The following SLC25A43 variants were observed in gnomAD, a reference collection of about 807,000 sequenced individuals.
SLC25A43 encodes solute carrier family 25, member 43.
Under a neutral mutation model 22.8 loss-of-function variants are expected in SLC25A43, and 10 were observed. That is an observed-to-expected ratio of 0.44 (90% CI 0.27 to 0.74). SLC25A43 has a LOEUF of 0.74. Among genes scored for constraint, SLC25A43 ranks in the 30% least tolerant of loss-of-function variants. The pLI, the probability that SLC25A43 is intolerant of heterozygous loss-of-function variation, is 0.17. For missense variants in SLC25A43, 233 were observed against 279.1 expected (o/e 0.83, Z 1.18); for synonymous variants, 106 against 121.6 (o/e 0.87, Z 0.84).
rs1046773092 is a variant in SLC25A43 at position 119,445,458 on chromosome X, G to T, written c.691-6551G>T. On this transcript the variant is annotated intron_variant, in intron 3 of 4. Coordinates refer to ENST00000217909, the MANE Select transcript of SLC25A43 (RefSeq NM_145305.3). ...CAAGATGACGACTGGCATTGCCAGG[G>T]TTGTGCAGCAACAGTAGTGGGGTGG... is the stretch of plus-strand genomic sequence containing the variant. Among the ~76,000 whole-genome samples the T allele has an allele frequency of 1.2e-4, 13 of 112,158 alleles. No individual in the cohort carries two copies. The Admixed American group carries it at 1.2e-3, about 11-fold the overall frequency.
At chrX:119,426,693 C>T (rs891005411) in intron 3 of SLC25A43, among the ~76,000 whole-genome samples, 4 of 109,957 alleles carry the variant, frequency 3.6e-5, no homozygotes, top group Admixed American at 2.0e-4. Context: ...CATGGTGGCG[C>T]GCGCCCGTAG....
At chrX:119,399,911 G>A (rs994664368) in intron 1 of SLC25A43, among the ~76,000 whole-genome samples, 1 of 112,733 alleles carries the variant, frequency 8.9e-6, no homozygotes, top group Non-Finnish European at 1.9e-5. Context: ...GCAGTTTTGT[G>A]GTCCGCAGCC....
rs190997309 is a variant in SLC25A43, at chrX:119,430,221, T to G, written c.690+19859T>G. 4.2e-3 allele frequency among the ~76,000 whole-genome samples: 475 copies of G among 112,647 alleles called. 4 individuals carry two copies. Among genetic ancestry groups the G allele is most frequent in the African/African-American group, 0.014 (439 of 31,042 alleles). Reference sequence around the variant, plus strand: ...GCCATTCCAATCTAGCGGGTTGGTTTGTTCTTCAGCATACTTGTCTTTCTT... The same window carrying G: ...GCCATTCCAATCTAGCGGGTTGGTTGGTTCTTCAGCATACTTGTCTTTCTT... On this transcript the variant is annotated intron_variant, in intron 3 of 4. Transcript: ENST00000217909.
chrX:119,420,289 CT>C (rs58312594), intron 3 of SLC25A43, among the ~76,000 whole-genome samples: 1,951 of 92,160 alleles, frequency 0.021, 19 homozygotes, highest in Non-Finnish European at 0.027. Context: ...GCGTTAGATC[CT>C]TTTTTTTTTT....
At chrX:119,411,747 TCAA>T (rs1344474316) in intron 3 of SLC25A43, among the ~76,000 whole-genome samples, 2 of 111,160 alleles carry the variant, frequency 1.8e-5, no homozygotes, top group African/African-American at 6.5e-5. Flanking sequence ...CCCTTAAAAT[TCAA>T]AAATAGCTAA....
intron 3 of SLC25A43, among the ~76,000 whole-genome samples, chrX:119,428,949 G>A (rs990595628): frequency 5.4e-5 from 6 of 111,895 alleles, no homozygotes; most frequent in African/African-American, 1.9e-4. Flanking sequence ...CCAACCCCTT[G>A]TCCGTGGAAA....
At chrX:119,400,763 G>C (rs1182998373) in intron 1 of SLC25A43, among the ~76,000 whole-genome samples, 4 of 112,130 alleles carry the variant, frequency 3.6e-5, no homozygotes, top group Non-Finnish European at 5.6e-5. Flanking sequence ...CCTCTGCCTG[G>C]AAATAGAGTT....
At chrX:119,405,529 C>T (rs764331620) in intron 1 of SLC25A43, among the ~76,000 whole-genome samples, 7 of 91,022 alleles carry the variant, frequency 7.7e-5, no homozygotes, top group South Asian at 6.4e-4. Context: ...GAGGCTGAGG[C>T]GGGCAGATCA....
Position 119,413,023 on chromosome X carries a change from G to A in SLC25A43, c.690+2661G>A, listed in dbSNP as rs377450165. The stretch of plus-strand genomic sequence containing the variant: ...GGTCCCAGCTACTTGGGAGACTGAA[G>A]CAGGAGGATTACTTGGGCCCAAGAG... On this transcript the variant is annotated intron_variant, in intron 3 of 4. Transcript: ENST00000217909. Among the ~76,000 whole-genome samples the A allele has an allele frequency of 9.1e-5, 10 of 109,878 alleles. No homozygotes were observed. In the East Asian group the frequency reaches 1.1e-3, roughly 13 times the overall value.
chrX:119,448,441 C>A (rs2052683419), intron 3 of SLC25A43, among the ~76,000 whole-genome samples: 1 of 111,570 alleles, frequency 9.0e-6, no homozygotes, highest in Admixed American at 9.6e-5. Context: ...TGTGCCCTAC[C>A]AGCCTTATAC....
chrX:119,432,159 C>G (rs974576296), intron 3 of SLC25A43, among the ~76,000 whole-genome samples: 3 of 109,088 alleles, frequency 2.8e-5, no homozygotes, highest in Non-Finnish European at 5.7e-5. Context: ...GAGAGAAAGC[C>G]CCAATTCAAA....
chrX:119,430,801 C>T (rs773501232), intron 3 of SLC25A43, among the ~76,000 whole-genome samples: 2 of 112,171 alleles, frequency 1.8e-5, no homozygotes, highest in Admixed American at 9.5e-5. Context: ...TTGCTTTGCC[C>T]TTTGGGAGCA....
intron 1 of SLC25A43, among the ~76,000 whole-genome samples, chrX:119,401,135 C>T (rs1040222177): frequency 8.9e-6 from 1 of 111,757 alleles, no homozygotes; most frequent in South Asian, 3.8e-4. Context: ...GCCTGTTTTA[C>T]AGATGCAGAA....
intron 3 of SLC25A43, among the ~76,000 whole-genome samples, chrX:119,427,187 C>G (rs950124715): frequency 9.0e-6 from 1 of 111,598 alleles, no homozygotes; most frequent in African/African-American, 3.3e-5. Flanking sequence ...CAGCTCTGCT[C>G]ACTTGCATGG....
Position 119,399,446 on chromosome X carries a change from A to G in SLC25A43, c.43A>G (p.Arg15Gly). The stretch of plus-strand genomic sequence containing the variant: ...GGACGGCCGACTGACAGGCGGCCAA[A>G]GGCTGCTGTGCGCTGGGCTGGCGGG... ...RRDGRLTGGQ[R>G]LLCAGLAGTL... The change falls in exon 1 of 5, where the codon AGG (arginine) becomes GGG (glycine). Residue 15 changes from arginine to glycine, a missense_variant. Physicochemically the swap from Arg to Gly is moderately radical, Grantham distance 125. Coordinates refer to ENST00000217909, the MANE Select transcript of SLC25A43 (RefSeq NM_145305.3). 1 of 1,033,757 alleles carries G rather than the reference A, an allele frequency of 9.7e-7. No homozygotes were observed. Among genetic ancestry groups the G allele is most frequent in the Non-Finnish European group, 1.2e-6 (1 of 810,791 alleles). 85.2% of individuals were successfully genotyped at this position (1,033,757 alleles called of 1,213,427 possible). A position where few individuals can be genotyped will look rare whatever the true frequency, so the allele number is the denominator to read the frequency against.
intron 2 of SLC25A43, among the ~76,000 whole-genome samples, chrX:119,407,770 C>T (rs2052311119): frequency 9.0e-6 from 1 of 111,025 alleles, no homozygotes; most frequent in Non-Finnish European, 1.9e-5. Flanking sequence ...CTAGCTCTTC[C>T]TCCTGTGTTC....
chrX:119,406,730 GA>G (rs2052300124), intron 2 of SLC25A43, 29 bp downstream of exon 2: 1 of 1,198,652 alleles, frequency 8.3e-7, no homozygotes, highest in South Asian at 1.8e-5. Context: ...CCTTGTCCAA[GA>G]AAAGGCTATG....
At chrX:119,410,104 T>C in intron 2 of SLC25A43, 86 bp from the exon 3 acceptor site, 1 of 1,059,178 alleles carries the variant, frequency 9.4e-7, no homozygotes, top group Non-Finnish European at 1.3e-6. Flanking sequence ...CCTGTTTTCT[T>C]TCCCCGGAAT....
At chrX:119,415,976 C>G (rs1402167454) in intron 3 of SLC25A43, among the ~76,000 whole-genome samples, 2 of 99,839 alleles carry the variant, frequency 2.0e-5, no homozygotes, top group Admixed American at 1.1e-4. Flanking sequence ...CCACCACACT[C>G]CAGCCTGGGT....
Sources: gnomAD v4.1 joint callset for allele counts (sites outside exome capture counted in the v4.1 genomes callset) on GRCh38, gnomAD v4.1.1 for gene constraint, MANE v1.5 for transcripts, NCBI Gene and HGNC (gene_info 2026-07-23, HGNC 2026-07-21) for gene names.